EFR3A: variants seen among roughly 807,000 people sequenced by gnomAD.
EFR3A encodes protein EFR3 homolog A.
Under a neutral mutation model 104.4 loss-of-function variants are expected in EFR3A, and 76 were observed. The observed-to-expected ratio is 0.73, with a 90% CI of 0.60 to 0.88. The LOEUF is 0.88. Ranked by LOEUF, EFR3A falls within the 40% of genes least tolerant of loss-of-function variation. EFR3A has a pLI of 0.00. For missense variants in EFR3A, 985 were observed against 1,012.5 expected (o/e 0.97, Z 0.37); for synonymous variants, 330 against 330.0 (o/e 1.00, Z 0.00).
At chr8:131,917,041 C>T (rs1816773441) in intron 1 of EFR3A, among the ~76,000 whole-genome samples, 1 of 152,092 alleles carries the variant, frequency 6.6e-6, no homozygotes, top group African/African-American at 2.4e-5. Context: ...TAGGGTGGCT[C>T]CACATATATA....
chr8:131,955,772 A>C lies in EFR3A; in HGVS notation c.643A>C (p.Ile215Leu), dbSNP rs1268926156. The C allele has an allele frequency of 6.2e-7, 1 of 1,612,460 alleles. No homozygotes were observed. The highest frequency in any genetic ancestry group is 1.1e-5 in the South Asian group (1 of 90,822). ...TTATTTCTCGTTCCTTTTTAGTCGC[A>C]TAGGCCCTCCTTCTTCTCCTTCTGC... is the stretch of plus-strand genomic sequence containing the variant. ...MQKIEEVDSRIGPPSSPSATD... is the reference protein window; with the variant it reads ...MQKIEEVDSRLGPPSSPSATD... The change falls in exon 7 of 23, where the codon ATA (isoleucine) becomes CTA (leucine). Residue 215 changes from isoleucine (I) to leucine (L), a missense_variant. Ile to Leu is a conservative substitution (Grantham distance 5). Coordinates refer to ENST00000254624, the MANE Select transcript of EFR3A (RefSeq NM_015137.6).
intron 1 of EFR3A, among the ~76,000 whole-genome samples, chr8:131,909,422 C>G (rs1053467255): frequency 6.6e-6 from 1 of 151,956 alleles, no homozygotes; most frequent in African/African-American, 2.4e-5. Flanking sequence ...TGGTACATGC[C>G]TATAGTCCTA....
At position 131,948,124 on chromosome 8, in the gene EFR3A, T is replaced by TA. The variant is rs933156813; in HGVS notation, c.366+1499dup. ...TGTATGTTTCCATTCAGAGTTTTAA[T>TA]AAAAAAAATCATATATTACCTGCTA... On this transcript the variant is annotated intron_variant, in intron 4 of 22. Coordinates refer to ENST00000254624, the MANE Select transcript of EFR3A (RefSeq NM_015137.6). Among the ~76,000 whole-genome samples the TA allele has an allele frequency of 1.7e-3, 264 of 152,080 alleles. 1 individual carries two copies. The highest frequency in any genetic ancestry group is 5.5e-3 in the African/African-American group (229 of 41,498).
At chr8:131,952,380 G>A (rs1818752103) in intron 5 of EFR3A, among the ~76,000 whole-genome samples, 1 of 152,214 alleles carries the variant, frequency 6.6e-6, no homozygotes, top group East Asian at 1.9e-4. Context: ...TAGTCTAGAT[G>A]TTAGATCTGA....
rs568485753 is a variant in EFR3A at position 131,970,708 on chromosome 8, G to T, written c.1159+65G>T. The T allele has an allele frequency of 4.9e-6, 7 of 1,441,750 alleles. No individual in the cohort carries two copies. The Admixed American group carries it at 1.1e-4, about 22-fold the overall frequency. 89.3% of individuals were successfully genotyped at this position (1,441,750 alleles called of 1,614,324 possible). ...GTGATTTACAAAGCTCTCACATAAG[G>T]TCCTGGACTATTATAGTACATTTGT... On this transcript the variant is annotated intron_variant, in intron 10 of 22. Coordinates refer to ENST00000254624, the MANE Select transcript of EFR3A (RefSeq NM_015137.6).
intron 8 of EFR3A, among the ~76,000 whole-genome samples, chr8:131,964,731 G>C (rs1205105817): frequency 6.6e-6 from 1 of 152,020 alleles, no homozygotes; most frequent in African/African-American, 2.4e-5. Flanking sequence ...AGTTCATATG[G>C]AACCAAAAAA....
rs983851423 is a variant in EFR3A at position 132,005,549 on chromosome 8, C to G, written c.2360+2264C>G. On this transcript the variant is annotated intron_variant, in intron 22 of 22. Transcript: ENST00000254624. ...TAGAACACCACACACCCACACCCCC[C>G]ACCCAGGCCCCACACACACACGTCA... 2.6e-5 allele frequency among the ~76,000 whole-genome samples: 4 copies of G among 151,980 alleles called. No homozygotes were observed. In the East Asian group the frequency reaches 5.8e-4, roughly 22 times the overall value.
intron 1 of EFR3A, among the ~76,000 whole-genome samples, chr8:131,907,838 C>T (rs1816327158): frequency 6.6e-6 from 1 of 151,724 alleles, no homozygotes; most frequent in South Asian, 2.1e-4. Flanking sequence ...CCTCCCATCT[C>T]CCTCCTTCCT....
chr8:131,964,507 A>G (rs113421524), intron 8 of EFR3A, among the ~76,000 whole-genome samples: 143 of 152,188 alleles, frequency 9.4e-4, no homozygotes, highest in African/African-American at 3.4e-3. Context: ...TAGGAATCCA[A>G]CTTACAGGGG....
In EFR3A at chr8:131,960,242, G is replaced by A. The variant is rs372153479; in HGVS notation, c.855+579G>A. Among the ~76,000 whole-genome samples the A allele has an allele frequency of 1.5e-4, 23 of 152,238 alleles. No individual in the cohort carries two copies. The East Asian group carries it at 4.4e-3, about 29-fold the overall frequency. On this transcript the variant is annotated intron_variant, in intron 8 of 22. Transcript: ENST00000254624. ...CATATAGCTGATCCTTGAATAACAT[G>A]AGTTTCAACTGTGCAGGTCCACTTA...
Position 131,904,098 on chromosome 8 carries a change from T to A in EFR3A, c.-215T>A. The A allele has an allele frequency of 4.4e-6, 2 of 455,210 alleles. No individual in the cohort carries two copies. The highest frequency in any genetic ancestry group is 7.0e-6 in the Non-Finnish European group (2 of 286,416). The allele number at this position is 455,210 out of a possible 1,614,324, so 28.2% of individuals were successfully genotyped here. A position where few individuals can be genotyped will look rare whatever the true frequency, so the allele number is the denominator to read the frequency against. ...TGACGTAACGGGCGTGGGTCGTCCGTCGCGCCGCCCGGCGAGGAGTGGGCT... is the reference window on the plus strand; with the variant it reads ...TGACGTAACGGGCGTGGGTCGTCCGACGCGCCGCCCGGCGAGGAGTGGGCT... On this transcript the variant is annotated 5_prime_UTR_variant, in exon 1 of 23. Coordinates refer to ENST00000254624, the MANE Select transcript of EFR3A (RefSeq NM_015137.6).
At chr8:131,910,583 T>C (rs1816468993) in intron 1 of EFR3A, among the ~76,000 whole-genome samples, 1 of 152,212 alleles carries the variant, frequency 6.6e-6, no homozygotes, top group Non-Finnish European at 1.5e-5. Flanking sequence ...TTTCTCTGGT[T>C]TTCTAGGGCA....
chr8:131,918,673 C>T (rs1032033689), intron 1 of EFR3A, among the ~76,000 whole-genome samples: 12 of 152,208 alleles, frequency 7.9e-5, no homozygotes, highest in Admixed American at 3.9e-4. Flanking sequence ...TAACATATGG[C>T]ATAGATGCTG....
At chr8:131,969,833 C>T (rs549653718) in intron 9 of EFR3A, among the ~76,000 whole-genome samples, 3 of 152,178 alleles carry the variant, frequency 2.0e-5, no homozygotes, top group South Asian at 2.1e-4. Context: ...AGGCTCTATA[C>T]GTTTGAAGAG....
intron 6 of EFR3A, among the ~76,000 whole-genome samples, chr8:131,954,289 G>A (rs1482470471): frequency 1.3e-5 from 2 of 151,992 alleles, no homozygotes; most frequent in Non-Finnish European, 2.9e-5. Context: ...GTGAGAAACA[G>A]AAATTATAGC....
At chr8:131,916,817 A>G (rs1183578717) in intron 1 of EFR3A, among the ~76,000 whole-genome samples, 2 of 152,236 alleles carry the variant, frequency 1.3e-5, no homozygotes, top group African/African-American at 4.8e-5. Context: ...TTACAGTTTG[A>G]TCTGATATGA....
chr8:131,920,418 G>A (rs1031861196), intron 1 of EFR3A, among the ~76,000 whole-genome samples: 4 of 152,142 alleles, frequency 2.6e-5, no homozygotes, highest in Non-Finnish European at 5.9e-5. Context: ...CAGCATAAAA[G>A]GCTTCTTTTT....
intron 18 of EFR3A, among the ~76,000 whole-genome samples, chr8:131,993,586 C>T (rs1188425717): frequency 6.6e-6 from 1 of 151,742 alleles, no homozygotes; most frequent in Non-Finnish European, 1.5e-5. Flanking sequence ...ACAGTATATA[C>T]AGAATGGGAT....
intron 6 of EFR3A, among the ~76,000 whole-genome samples, chr8:131,955,098 A>G (rs956583151): frequency 8.5e-5 from 13 of 152,142 alleles, no homozygotes; most frequent in Admixed American, 6.6e-4. Context: ...ATCACTAGCT[A>G]GTTGGGAACC....
Sources: allele counts gnomAD v4.1 joint callset (sites outside exome capture counted in the v4.1 genomes callset), GRCh38; gene constraint gnomAD v4.1.1; transcripts MANE v1.5; gene names NCBI Gene and HGNC (gene_info 2026-07-23, HGNC 2026-07-21).